CLCN1: variants seen among roughly 807,000 people sequenced by gnomAD.
The protein encoded by CLCN1 is chloride voltage-gated channel 1, also known as chloride channel protein 1.
CLCN1 carries 100 observed loss-of-function variants against 114.5 expected under a neutral mutation model. That is an observed-to-expected ratio of 0.87 (90% confidence interval 0.74 to 1.03). The LOEUF is 1.03. CLCN1 is among the 50% of genes least tolerant of loss of function. The probability of loss-of-function intolerance (pLI) is 0.00; values close to 1 mark genes in which losing one functional copy is unlikely to be tolerated. For missense variants in CLCN1, 1,188 were observed against 1,250.0 expected (o/e 0.95, Z 0.75); for synonymous variants, 485 against 487.1 (o/e 1.00, Z 0.06).
Position 143,316,395 on chromosome 7 carries a change from A to T in CLCN1, c.180+3A>T, listed in dbSNP as rs202217420. ...GCCACAACGTCCACCCCACACAGGT[A>T]AAGTGCTCTAAGGGGAGAGGGGAGC... On this transcript the variant is annotated splice_donor_region_variant and intron_variant, in intron 1 of 22. Coordinates refer to ENST00000343257, the MANE Select transcript of CLCN1 (RefSeq NM_000083.3). The T allele has an allele frequency of 3.6e-4, 576 of 1,612,286 alleles. 1 individual carries two copies. The highest frequency in any genetic ancestry group is 4.4e-4 in the Non-Finnish European group (516 of 1,179,898).
At chr7:143,338,158 C>T (rs1802963553) in intron 12 of CLCN1, among the ~76,000 whole-genome samples, 1 of 152,026 alleles carries the variant, frequency 6.6e-6, no homozygotes, top group South Asian at 2.1e-4. Flanking sequence ...CTTTTGTACT[C>T]TTTGCCTCAA....
Position 143,321,748 on chromosome 7 carries a change from G to T in CLCN1, c.596G>T (p.Arg199Leu). The T allele has an allele frequency of 6.2e-7, 1 of 1,614,214 alleles. No individual in the cohort carries two copies. The highest frequency in any genetic ancestry group is 1.1e-5 in the South Asian group (1 of 91,084). Reference sequence around the variant, plus strand: ...ATCCCCGAAATGAAGACAATACTTCGTGGGGTTGTCCTGAAGGAATACCTC... The same window carrying T: ...ATCCCCGAAATGAAGACAATACTTCTTGGGGTTGTCCTGAAGGAATACCTC... ...SGIPEMKTILRGVVLKEYLTM... is the reference protein window; with the variant it reads ...SGIPEMKTILLGVVLKEYLTM... Residue 199 changes from arginine to leucine, a missense_variant, in exon 5 of 23, where the codon CGT (arginine) becomes CTT (leucine). Transcript: ENST00000343257. The surrounding 1 kb of genome is among the most constrained non-coding windows in gnomAD (Gnocchi z 4.2).
At chr7:143,323,920 C>T in intron 6 of CLCN1, 1 of 464,336 alleles carries the variant, frequency 2.2e-6, no homozygotes. Flanking sequence ...TCCTCCCTAT[C>T]CCGGTTGCCT....
In CLCN1 at chr7:143,339,281, T is replaced by C; in HGVS notation, c.1430T>C (p.Met477Thr). The change falls in exon 13 of 23, where the codon ATG becomes ACG. Residue 477 changes from methionine to threonine, a missense_variant. By Grantham distance (81) the Met-to-Thr change is moderately conservative (BLOSUM62 -1). Coordinates refer to ENST00000343257, the MANE Select transcript of CLCN1 (RefSeq NM_000083.3). The surrounding 1 kb of genome is among the most constrained non-coding windows in gnomAD (Gnocchi z 4.1). ...KFWMSIVATT[M>T]PIPCGGFMPV... ...TGGATGTCCATCGTGGCCACCACTA[T>C]GCCCATACCCTGCGGAGGCTTCATG... 1.9e-6 allele frequency: 3 copies of C among 1,613,386 alleles called. No individual in the cohort carries two copies. The highest frequency in any genetic ancestry group is 2.2e-5 in the South Asian group (2 of 91,070).
chr7:143,345,776 G>C lies in CLCN1; in HGVS notation c.2172+14G>C. 6.2e-7 allele frequency: 1 copy of C among 1,605,260 alleles called. No homozygotes were observed. The highest frequency in any genetic ancestry group is 8.5e-7 in the Non-Finnish European group (1 of 1,176,456). On this transcript the variant is annotated intron_variant, in intron 17 of 22. Coordinates refer to ENST00000343257, the MANE Select transcript of CLCN1 (RefSeq NM_000083.3). Reference sequence around the variant, plus strand: ...GGCAAGAGCGAGGTGACCGCGCCGGGAAGGGCTAGGGAGTGGGATAGATCA... The same window carrying C: ...GGCAAGAGCGAGGTGACCGCGCCGGCAAGGGCTAGGGAGTGGGATAGATCA...
chr7:143,324,568 A>T lies in CLCN1; in HGVS notation c.853+76A>T. ...CAAAACAGTTTTAATCAGTATCCAC[A>T]AGTGCTGGTATTACCAGGTTACTTA... On this transcript the variant is annotated intron_variant, in intron 7 of 22. Transcript: ENST00000343257. The surrounding 1 kb of genome is among the most constrained non-coding windows in gnomAD (Gnocchi z 4.6). The T allele has an allele frequency of 9.3e-7, 1 of 1,070,632 alleles. No individual in the cohort carries two copies. The highest frequency in any genetic ancestry group is 1.3e-5 in the South Asian group (1 of 79,124). The allele number at this position is 1,070,632 out of a possible 1,614,324, so 66.3% of individuals were successfully genotyped here. A position where few individuals can be genotyped will look rare whatever the true frequency, so the allele number is the denominator to read the frequency against.
chr7:143,339,181 G>A lies in CLCN1; in HGVS notation c.1402-72G>A. On this transcript the variant is annotated intron_variant, in intron 12 of 22. Transcript: ENST00000343257. The surrounding 1 kb of genome is among the most constrained non-coding windows in gnomAD (Gnocchi z 4.1). ...GGATTTCTGCAGAAAGGAGGATAGT[G>A]GGAAGGGAATTGTGTGTGCATGTCT... 1.0e-6 allele frequency: 1 copy of A among 981,154 alleles called. No homozygotes were observed. Among genetic ancestry groups the A allele is most frequent in the Non-Finnish European group, 1.7e-6 (1 of 602,508 alleles). The allele number at this position is 981,154 out of a possible 1,614,324, so 60.8% of individuals were successfully genotyped here.
rs755127390 is a variant in CLCN1, at chr7:143,346,254, G to A, written c.2284+3G>A. 56 of 1,596,934 alleles carry A rather than the reference G, an allele frequency of 3.5e-5. No homozygotes were observed. Among genetic ancestry groups the A allele is most frequent in the Non-Finnish European group, 4.6e-5 (54 of 1,165,016 alleles). The stretch of plus-strand genomic sequence containing the variant: ...GCCGGAAGCACCAGAGCCTGCAGGT[G>A]ACGCTCTTCCCTCATGCACCCCAAC... On this transcript the variant is annotated splice_donor_region_variant and intron_variant, in intron 18 of 22. Transcript: ENST00000343257.
intron 7 of CLCN1, among the ~76,000 whole-genome samples, chr7:143,328,879 C>T (rs1802645753): frequency 6.6e-6 from 1 of 152,112 alleles, no homozygotes. Flanking sequence ...CTTTCCTCTC[C>T]TCCCCTGCTC....
intron 5 of CLCN1, among the ~76,000 whole-genome samples, chr7:143,322,450 G>A (rs1240786458): frequency 1.3e-5 from 2 of 152,150 alleles, no homozygotes; most frequent in Non-Finnish European, 2.9e-5. Flanking sequence ...TTTAAAAATG[G>A]GATCAGTCTC....
intron 7 of CLCN1, among the ~76,000 whole-genome samples, chr7:143,328,613 G>GC (rs1802639076): frequency 6.6e-6 from 1 of 152,190 alleles, no homozygotes; most frequent in Non-Finnish European, 1.5e-5. Context: ...CAGTTGGATA[G>GC]TTTACACCCA....
chr7:143,321,977 C>T lies in CLCN1; in HGVS notation c.696+129C>T. ...GGACCAAGGCCAGGGCCAGGGGACA[C>T]TAGGAAGGGGAAATGCTTTGGAAGT... On this transcript the variant is annotated intron_variant, in intron 5 of 22. Coordinates refer to ENST00000343257, the MANE Select transcript of CLCN1 (RefSeq NM_000083.3). The surrounding 1 kb of genome is among the most constrained non-coding windows in gnomAD (Gnocchi z 4.2). The T allele has an allele frequency of 9.7e-7, 1 of 1,033,042 alleles. No individual in the cohort carries two copies. 64.0% of individuals were successfully genotyped at this position (1,033,042 alleles called of 1,614,324 possible).
chr7:143,323,008 T>A (rs1246281975), intron 5 of CLCN1, among the ~76,000 whole-genome samples: 1 of 152,190 alleles, frequency 6.6e-6, no homozygotes, highest in Non-Finnish European at 1.5e-5. Flanking sequence ...TCCTGACATC[T>A]GCGCGGCTCC....
intron 7 of CLCN1, 140 bp from the exon 8 acceptor site, chr7:143,330,632 T>C: frequency 2.7e-6 from 3 of 1,117,160 alleles, no homozygotes; most frequent in Non-Finnish European, 4.0e-6. Flanking sequence ...AGCATGGGAA[T>C]CCAAGAGATC....
chr7:143,345,287 A>G (rs977785010), intron 16 of CLCN1, among the ~76,000 whole-genome samples: 1 of 152,216 alleles, frequency 6.6e-6, no homozygotes, highest in African/African-American at 2.4e-5. Context: ...ATAAGTACAA[A>G]TTAGCCCAAT....
In CLCN1 at chr7:143,331,347, G is replaced by A. The variant is rs748321826; in HGVS notation, c.1064+31G>A. The A allele has an allele frequency of 6.0e-6, 9 of 1,503,388 alleles. No individual in the cohort carries two copies. In the South Asian group the frequency reaches 6.8e-5, roughly 11 times the overall value. 93.1% of individuals were successfully genotyped at this position (1,503,388 alleles called of 1,614,324 possible). ...TGGGGTTACCTGCTCTGTGTGTGGT[G>A]AGCAGGGTGTGGAGTGAGGCTGTAG... On this transcript the variant is annotated intron_variant, in intron 9 of 22. Coordinates refer to ENST00000343257, the MANE Select transcript of CLCN1 (RefSeq NM_000083.3).
At chr7:143,335,809 G>A (rs749603278) in intron 12 of CLCN1, among the ~76,000 whole-genome samples, 1 of 151,922 alleles carries the variant, frequency 6.6e-6, no homozygotes, top group Non-Finnish European at 1.5e-5. Context: ...ACAGGTGCCC[G>A]CCACCACGCC....
rs754934082 is a variant in CLCN1, at chr7:143,323,362, G to A, written c.750G>A (p.Met250Ile). ...GTGCTGCTGTCCTCAGCAAATTCATGTCTGTGTTCTGCGGGGTATATGAGG... is the reference window on the plus strand; with the variant it reads ...GTGCTGCTGTCCTCAGCAAATTCATATCTGTGTTCTGCGGGGTATATGAGG... ...SICAAVLSKF[M>I]SVFCGVYEQP... The change falls in exon 6 of 23, where the codon ATG (methionine) becomes ATA (isoleucine). Residue 250 changes from methionine (M) to isoleucine (I), a missense_variant. Coordinates refer to ENST00000343257, the MANE Select transcript of CLCN1 (RefSeq NM_000083.3). The A allele has an allele frequency of 3.1e-5, 50 of 1,613,544 alleles. No individual in the cohort carries two copies. Among genetic ancestry groups the A allele is most frequent in the Non-Finnish European group, 4.0e-5 (47 of 1,179,678 alleles).
chr7:143,329,601 T>C (rs894813733), intron 7 of CLCN1, among the ~76,000 whole-genome samples: 2 of 152,134 alleles, frequency 1.3e-5, no homozygotes, highest in Admixed American at 1.3e-4. Flanking sequence ...CCTTTGAATA[T>C]AGCACAGGGA....
Sources: allele counts gnomAD v4.1 joint callset (sites outside exome capture counted in the v4.1 genomes callset), GRCh38; gene constraint gnomAD v4.1.1; non-coding constraint Gnocchi (gnomAD v3.1); transcripts MANE v1.5; gene names NCBI Gene and HGNC (gene_info 2026-07-23, HGNC 2026-07-21).